Variants in PTGR3 observed in about 807,000 individuals in gnomAD.
PTGR3 encodes the protein prostaglandin reductase 3.
the PTGR3 span, among the ~76,000 whole-genome samples, chr18:75,205,715 T>TAAGAAAAAAAAGAAAAAAGA: frequency 8.7e-6 from 1 of 114,962 alleles, no homozygotes; most frequent in Non-Finnish European, 1.8e-5. Flanking sequence ...AGACCTGCCT[T>TAAGAAAAAAAAGAAAAAAGA]AAGAAAAAAA....
chr18:75,208,788 C>A, the PTGR3 span: 1 of 1,312,372 alleles, frequency 7.6e-7, no homozygotes, highest in Admixed American at 4.0e-5. Flanking sequence ...GCGGGAGCGG[C>A]GCGGCGCGGC....
At chr18:75,204,346 C>T in the PTGR3 span, among the ~76,000 whole-genome samples, 1 of 152,218 alleles carries the variant, frequency 6.6e-6, no homozygotes, top group Non-Finnish European at 1.5e-5. Context: ...GCCTGGGGAG[C>T]GCGCACACGC....
the PTGR3 span, chr18:75,205,153 T>C: frequency 1.0e-6 from 1 of 985,412 alleles, no homozygotes; most frequent in Non-Finnish European, 1.2e-6. Context: ...CCGCGGCTGG[T>C]GAGGACCCTC....
chr18:75,200,338 C>T, the PTGR3 span: 16 of 152,360 alleles, frequency 1.1e-4, no homozygotes, highest in African/African-American at 1.9e-4. Context: ...AGGAGCATCT[C>T]ATTCCACCAG....
At chr18:75,205,625 T>G in the PTGR3 span, 2 of 422,914 alleles carry the variant, frequency 4.7e-6, no homozygotes, top group Non-Finnish European at 6.3e-6. Flanking sequence ...CGCTTTCCTC[T>G]GAACAAAAAC....
chr18:75,205,295 C>T, the PTGR3 span: 37 of 985,486 alleles, frequency 3.8e-5, no homozygotes, highest in South Asian at 4.7e-5. Flanking sequence ...GGAGCAGGGG[C>T]GGAAGGGCCA....
chr18:75,208,684 G>C, the PTGR3 span, among the ~76,000 whole-genome samples: 1 of 152,100 alleles, frequency 6.6e-6, no homozygotes, highest in African/African-American at 2.4e-5. Context: ...GCCTTCGCCA[G>C]ATGGCGGCGG....
chr18:75,195,193 T>C, the PTGR3 span: 2 of 152,272 alleles, frequency 1.3e-5, no homozygotes, highest in Non-Finnish European at 2.9e-5. Flanking sequence ...AAATTATGGA[T>C]ATTAAGCCAT....
the PTGR3 span, chr18:75,201,930 T>G: frequency 3.5e-4 from 565 of 1,614,096 alleles, no homozygotes; most frequent in Non-Finnish European, 4.7e-4. Context: ...AGACTTTTCA[T>G]CAGAAGAGCA....
chr18:75,207,193 T>C, the PTGR3 span, among the ~76,000 whole-genome samples: 2 of 152,242 alleles, frequency 1.3e-5, no homozygotes, highest in Non-Finnish European at 2.9e-5. Context: ...ACGCCTCACC[T>C]TCCCCCTGCC....
At chr18:75,206,746 G>C in the PTGR3 span, among the ~76,000 whole-genome samples, 827 of 152,318 alleles carry the variant, frequency 5.4e-3, 11 homozygotes, top group African/African-American at 0.019. Flanking sequence ...TGTTCATATG[G>C]AGATACTATT....
chr18:75,205,283 G>T, the PTGR3 span: 7 of 985,464 alleles, frequency 7.1e-6, no homozygotes, highest in African/African-American at 8.7e-5. Flanking sequence ...GGCTCGGGAT[G>T]GGGAGCAGGG....
chr18:75,198,970 C>T, the PTGR3 span: 1 of 152,550 alleles, frequency 6.6e-6, no homozygotes, highest in African/African-American at 2.4e-5. Context: ...CTATGACCCT[C>T]AATTTACAAA....
chr18:75,200,393 TTC>T, the PTGR3 span: 1 of 152,232 alleles, frequency 6.6e-6, no homozygotes, highest in Non-Finnish European at 1.5e-5. Context: ...GTGGCTGCTA[TTC>T]TGTTTCCAGA....
the PTGR3 span, chr18:75,201,469 T>G: frequency 6.2e-7 from 1 of 1,613,860 alleles, no homozygotes; most frequent in South Asian, 1.1e-5. Flanking sequence ...TTTCCAGTGT[T>G]TTTTCCCATG....
the PTGR3 span, chr18:75,198,289 C>G: frequency 6.6e-6 from 1 of 152,190 alleles, no homozygotes; most frequent in Non-Finnish European, 1.5e-5. Context: ...ACATTACATC[C>G]TCATTAGCTG....
the PTGR3 span, chr18:75,197,300 T>C: frequency 6.6e-6 from 1 of 152,224 alleles, no homozygotes; most frequent in Admixed American, 6.5e-5. Context: ...GGATAAATGC[T>C]TGAGGAGGTA....
the PTGR3 span, chr18:75,208,965 C>T: frequency 1.9e-6 from 3 of 1,595,610 alleles, no homozygotes; most frequent in Non-Finnish European, 1.7e-6. Flanking sequence ...TTCTGCATGG[C>T]TTGGGGAATG....
the PTGR3 span, among the ~76,000 whole-genome samples, chr18:75,202,805 A>C: frequency 6.6e-6 from 1 of 152,258 alleles, no homozygotes; most frequent in African/African-American, 2.4e-5. Flanking sequence ...GATAAAATAT[A>C]TTCAAAGAAG....
Sources: gnomAD v4.1 joint callset for allele counts (sites outside exome capture counted in the v4.1 genomes callset) on GRCh38, gnomAD v4.1.1 for gene constraint, MANE v1.5 for transcripts, NCBI Gene and HGNC (gene_info 2026-07-23, HGNC 2026-07-21) for gene names.